The following STK38L variants were observed in gnomAD, a reference collection of about 807,000 sequenced individuals.
STK38L encodes serine/threonine kinase 38 like.
Under a neutral mutation model 59.7 loss-of-function variants are expected in STK38L, and 28 were observed. That is an observed-to-expected ratio of 0.47 (90% CI 0.35 to 0.64). The LOEUF is 0.64. Ranked by LOEUF, STK38L falls within the 30% of genes least tolerant of loss-of-function variation. STK38L has a pLI of 0.01. For missense variants in STK38L, 314 were observed against 555.8 expected, an observed-to-expected ratio of 0.56 and a Z score of 4.37; for synonymous variants, 162 against 176.8, an observed-to-expected ratio of 0.92 and a Z score of 0.66.
At chr12:27,282,208 A>G (rs2136627008) in intron 1 of STK38L, among the ~76,000 whole-genome samples, 1 of 152,332 alleles carries the variant, frequency 6.6e-6, no homozygotes, top group Non-Finnish European at 1.5e-5. Context: ...AGTAGTTTTG[A>G]TTTGATCCTA....
chr12:27,250,996 CAAAAAA>C (rs34643896), intron 1 of STK38L, among the ~76,000 whole-genome samples: 1 of 104,974 alleles, frequency 9.5e-6, no homozygotes. Context: ...GACTCTGTCT[CAAAAAA>C]AAAAAAAAAA....
rs139281131 is a variant in STK38L at position 27,315,258 on chromosome 12, C to T, written c.776-31C>T. 2.2e-3 allele frequency: 3,577 copies of T among 1,610,636 alleles called. 10 individuals are homozygous for T. The highest frequency in any genetic ancestry group is 3.3e-3 in the Middle Eastern group (20 of 6,052). On this transcript the variant is annotated intron_variant, in intron 8 of 13. Coordinates refer to ENST00000389032, the MANE Select transcript of STK38L (RefSeq NM_015000.4). ...CTTTTTGTGGAGAGCATTTTTCCCT[C>T]GTGATTACAATTCCATATTGTTGAA...
chr12:27,247,684 A>AT (rs1055105572), intron 1 of STK38L, among the ~76,000 whole-genome samples: 1 of 151,774 alleles, frequency 6.6e-6, no homozygotes, highest in Admixed American at 6.6e-5. Context: ...CCTGTAATTT[A>AT]TTTTTTTTAA....
chr12:27,266,464 G>A (rs1943303412), intron 1 of STK38L, among the ~76,000 whole-genome samples: 1 of 152,132 alleles, frequency 6.6e-6, no homozygotes, highest in South Asian at 2.1e-4. Context: ...CCCTCTCCCT[G>A]TCAGTCCGCC....
Position 27,308,955 on chromosome 12 carries a change from TATATAAAAATATATAG to T in STK38L, c.310-137_310-122del, listed in dbSNP as rs1464931661. ...AATATATATAAATATATATATAACA[TATATAAAAATATATAG>T]ATATAAAAATATATAGATATATATA... On this transcript the variant is annotated intron_variant, in intron 4 of 13. Transcript: ENST00000389032. This position sits in a 1 kb window ranked among gnomAD's most constrained non-coding sequence, Gnocchi z 4.5. Among the ~76,000 whole-genome samples the T allele has an allele frequency of 1.7e-5, 2 of 116,612 alleles. No homozygotes were observed. Among genetic ancestry groups the T allele is most frequent in the East Asian group, 2.2e-4 (1 of 4,548 alleles). The allele number at this position is 116,612 out of a possible 152,430, so 76.5% of individuals were successfully genotyped here. A position where few individuals can be genotyped will look rare whatever the true frequency, so the allele number is the denominator to read the frequency against.
chr12:27,261,106 C>T (rs114205712), intron 1 of STK38L, among the ~76,000 whole-genome samples: 7 of 152,280 alleles, frequency 4.6e-5, no homozygotes, highest in African/African-American at 1.7e-4. Flanking sequence ...CCAGTACTTC[C>T]ATTTATCATC....
intron 6 of STK38L, among the ~76,000 whole-genome samples, chr12:27,313,955 A>T (rs1458044682): frequency 1.3e-5 from 2 of 152,222 alleles, no homozygotes; most frequent in African/African-American, 4.8e-5. Context: ...TGAGTGGTAG[A>T]TATTACTTCA....
At chr12:27,269,115 T>G (rs1286729157) in intron 1 of STK38L, among the ~76,000 whole-genome samples, 1 of 152,248 alleles carries the variant, frequency 6.6e-6, no homozygotes, top group Non-Finnish European at 1.5e-5. Context: ...CAGAAGCTCT[T>G]TAGTTGAATT....
intron 1 of STK38L, among the ~76,000 whole-genome samples, chr12:27,252,647 C>G (rs1361948244): frequency 6.6e-6 from 1 of 152,176 alleles, no homozygotes; most frequent in Non-Finnish European, 1.5e-5. Context: ...TGAACATTTT[C>G]AGATCTGGTT....
intron 1 of STK38L, among the ~76,000 whole-genome samples, chr12:27,245,287 A>AT (rs1555126627): frequency 6.6e-6 from 1 of 152,198 alleles, no homozygotes; most frequent in Non-Finnish European, 1.5e-5. Flanking sequence ...ATAACTTGTG[A>AT]TAAGTTTTGA....
chr12:27,295,557 C>G (rs909242256), intron 1 of STK38L, among the ~76,000 whole-genome samples: 4 of 152,172 alleles, frequency 2.6e-5, no homozygotes, highest in African/African-American at 4.8e-5. Flanking sequence ...CTCCCTCCCC[C>G]CAATCAATAG....
chr12:27,267,012 GT>G (rs1412016771), intron 1 of STK38L, among the ~76,000 whole-genome samples: 13 of 152,022 alleles, frequency 8.6e-5, no homozygotes, highest in Admixed American at 2.0e-4. Flanking sequence ...TCATTGCTTT[GT>G]TTTTTAAATT....
chr12:27,285,819 CTCT>C (rs1385325863), intron 1 of STK38L, among the ~76,000 whole-genome samples: 2 of 152,206 alleles, frequency 1.3e-5, no homozygotes, highest in Admixed American at 6.5e-5. Flanking sequence ...TTTTGTCTCT[CTCT>C]TCTTTGTATG....
At chr12:27,246,557 T>G (rs1288715667) in intron 1 of STK38L, among the ~76,000 whole-genome samples, 2 of 152,262 alleles carry the variant, frequency 1.3e-5, no homozygotes, top group Non-Finnish European at 2.9e-5. Flanking sequence ...CTTCTGTATT[T>G]TTATATTAAA....
chr12:27,299,213 A>G (rs1406662838), intron 2 of STK38L, among the ~76,000 whole-genome samples: 4 of 152,236 alleles, frequency 2.6e-5, no homozygotes, highest in African/African-American at 9.6e-5. Flanking sequence ...TAGAGAGGAA[A>G]AGTCTCATTT....
intron 1 of STK38L, among the ~76,000 whole-genome samples, chr12:27,268,134 T>C (rs1322873045): frequency 6.6e-6 from 1 of 152,188 alleles, no homozygotes; most frequent in African/African-American, 2.4e-5. Flanking sequence ...TTTTTAATTA[T>C]CCTGTAAGTT....
rs376522509 is a variant in STK38L, at chr12:27,273,963, G to A, written c.-11-23747G>A. On this transcript the variant is annotated intron_variant, in intron 1 of 13. Transcript: ENST00000389032. ...TCTCTCTGATACTTCTTTTAGAAAT[G>A]CCCTTTTTGGGCCGGGTGCGGTGGT... Among the ~76,000 whole-genome samples, 44 of 152,234 alleles carry A rather than the reference G, an allele frequency of 2.9e-4. No individual in the cohort carries two copies. The South Asian group carries it at 8.5e-3, about 29-fold the overall frequency.
intron 5 of STK38L, among the ~76,000 whole-genome samples, chr12:27,309,604 T>A (rs1163487018): frequency 6.6e-6 from 1 of 152,202 alleles, no homozygotes; most frequent in Non-Finnish European, 1.5e-5. Flanking sequence ...CTGTGAGAAC[T>A]CTCTGGTGTC....
intron 1 of STK38L, among the ~76,000 whole-genome samples, chr12:27,270,550 G>A (rs907988007): frequency 6.6e-6 from 1 of 152,064 alleles, no homozygotes; most frequent in Non-Finnish European, 1.5e-5. Context: ...GCTAATTTTT[G>A]TATTTTTAGT....
Sources: gnomAD v4.1 joint callset for allele counts (sites outside exome capture counted in the v4.1 genomes callset) on GRCh38, gnomAD v4.1.1 for gene constraint, Gnocchi (gnomAD v3.1) non-coding constraint, MANE v1.5 for transcripts, NCBI Gene and HGNC (gene_info 2026-07-23, HGNC 2026-07-21) for gene names.